The following SH3GL3 variants were observed in gnomAD, a reference collection of about 807,000 sequenced individuals.
The protein encoded by SH3GL3 is endophilin-A3.
SH3GL3 carries 33 observed loss-of-function variants against 47.7 expected under a neutral mutation model. The ratio of observed to expected loss-of-function variants is 0.69; its 90% confidence interval spans 0.52 to 0.92. SH3GL3 has a LOEUF of 0.92. SH3GL3 is among the 40% of genes least tolerant of loss of function. The pLI is 0.00. For missense variants in SH3GL3, 363 were observed against 417.8 expected, an observed-to-expected ratio of 0.87 and a Z score of 1.14; for synonymous variants, 155 against 148.8, an observed-to-expected ratio of 1.04 and a Z score of -0.30.
intron 1 of SH3GL3, among the ~76,000 whole-genome samples, chr15:83,554,009 TTCTC>T (rs981555639): frequency 7.3e-5 from 11 of 151,456 alleles, no homozygotes; most frequent in Non-Finnish European, 1.2e-4. Context: ...TTTATTTTCT[TTCTC>T]TCGCTCTTTT....
At chr15:83,471,027 G>A (rs1311382120) in intron 1 of SH3GL3, among the ~76,000 whole-genome samples, 1 of 152,174 alleles carries the variant, frequency 6.6e-6, no homozygotes, top group Non-Finnish European at 1.5e-5. Context: ...ATCAAATATA[G>A]TTTAGAATAC....
intron 1 of SH3GL3, among the ~76,000 whole-genome samples, chr15:83,484,008 C>G (rs191245735): frequency 6.6e-6 from 1 of 152,172 alleles, no homozygotes; most frequent in African/African-American, 2.4e-5. Context: ...GAATCAAGAG[C>G]CTATTGTCAT....
chr15:83,583,709 T>C (rs1178588177), intron 6 of SH3GL3, among the ~76,000 whole-genome samples: 1 of 152,072 alleles, frequency 6.6e-6, no homozygotes, highest in Non-Finnish European at 1.5e-5. Flanking sequence ...CACACGTGTG[T>C]CACTTGTGGA....
intron 4 of SH3GL3, among the ~76,000 whole-genome samples, chr15:83,572,101 G>A (rs2045847687): frequency 6.6e-6 from 1 of 152,224 alleles, no homozygotes; most frequent in African/African-American, 2.4e-5. Context: ...ACGGGGAGTA[G>A]CCTTGAGAAG....
chr15:83,465,958 T>A lies in SH3GL3; in HGVS notation c.45+18380T>A, dbSNP rs568706203. 6.9e-4 allele frequency among the ~76,000 whole-genome samples: 105 copies of A among 152,280 alleles called. 1 individual carries two copies. Among genetic ancestry groups the A allele is most frequent in the African/African-American group, 2.5e-3 (102 of 41,560 alleles). ...ATCACAACTAGGATGTTTATGTTGATACAGTCAGGATATAGAACAGGTCCA... is the reference window on the plus strand; with the variant it reads ...ATCACAACTAGGATGTTTATGTTGAAACAGTCAGGATATAGAACAGGTCCA... On this transcript the variant is annotated intron_variant, in intron 1 of 8. Transcript: ENST00000427482.
intron 1 of SH3GL3, among the ~76,000 whole-genome samples, chr15:83,507,844 A>G (rs912550180): frequency 2.0e-5 from 3 of 152,228 alleles, no homozygotes; most frequent in African/African-American, 7.2e-5. Context: ...CAAAATGAGT[A>G]TATTATACGG....
At position 83,587,012 on chromosome 15, in the gene SH3GL3, C is replaced by T. The variant is rs1189053125; in HGVS notation, c.654C>T (p.Phe218=). The change falls in exon 7 of 9, where the codon TTC becomes TTT. Residue 218 remains phenylalanine (F), a synonymous_variant. Coordinates refer to ENST00000427482, the MANE Select transcript of SH3GL3 (RefSeq NM_003027.5). ...DVEQVSQLAV[F]IEAALDYHRQ... is the part of the protein sequence containing the mutation. Reference sequence around the variant, plus strand: ...AACAAGTCAGCCAGTTGGCTGTGTTCATAGAGGCAGCATTAGACTATCACA... The same window carrying T: ...AACAAGTCAGCCAGTTGGCTGTGTTTATAGAGGCAGCATTAGACTATCACA... 5.6e-6 allele frequency: 9 copies of T among 1,609,500 alleles called. No individual in the cohort carries two copies. Among genetic ancestry groups the T allele is most frequent in the Non-Finnish European group, 6.8e-6 (8 of 1,177,970 alleles).
chr15:83,564,895 A>G (rs560659921), intron 2 of SH3GL3, among the ~76,000 whole-genome samples: 91 of 152,306 alleles, frequency 6.0e-4, no homozygotes, highest in Non-Finnish European at 1.1e-3. Context: ...CTTAATATTC[A>G]TTTTAATGTT....
chr15:83,524,373 C>T (rs1163581250), intron 1 of SH3GL3, among the ~76,000 whole-genome samples: 1 of 152,140 alleles, frequency 6.6e-6, no homozygotes, highest in Non-Finnish European at 1.5e-5. Flanking sequence ...TGTTCAACTG[C>T]TTAAAATTAT....
chr15:83,460,471 G>A (rs544552431), intron 1 of SH3GL3, among the ~76,000 whole-genome samples: 4 of 151,988 alleles, frequency 2.6e-5, no homozygotes, highest in African/African-American at 4.8e-5. Flanking sequence ...CATCAGGTTC[G>A]ACTTACAGTT....
chr15:83,538,215 C>T (rs1403770546), intron 1 of SH3GL3, among the ~76,000 whole-genome samples: 1 of 152,154 alleles, frequency 6.6e-6, no homozygotes, highest in Non-Finnish European at 1.5e-5. Flanking sequence ...CAGACATGAA[C>T]ATTATTTCTA....
At chr15:83,567,325 C>G (rs1200365254) in intron 3 of SH3GL3, among the ~76,000 whole-genome samples, 2 of 152,202 alleles carry the variant, frequency 1.3e-5, no homozygotes, top group East Asian at 3.9e-4. Context: ...TTGCCCTGCA[C>G]CACACTGGAC....
chr15:83,519,439 A>G (rs1163740015), intron 1 of SH3GL3, among the ~76,000 whole-genome samples: 1 of 152,124 alleles, frequency 6.6e-6, no homozygotes, highest in Non-Finnish European at 1.5e-5. Context: ...TGTAAACAGG[A>G]TTGCATTCTT....
intron 1 of SH3GL3, among the ~76,000 whole-genome samples, chr15:83,543,951 CA>C (rs35491078): frequency 1.3e-5 from 2 of 151,670 alleles, no homozygotes; most frequent in Non-Finnish European, 2.9e-5. Context: ...TTCGTCTTTT[CA>C]AAAAAACCAA....
In SH3GL3 at chr15:83,572,642, C is replaced by A. The variant is rs2059571949; in HGVS notation, c.409C>A (p.Gln137Lys). ...AGACTCTCTTGATATTAATGTAAAG[C>A]AAACTTTTATTGATCCACTTCAGTT... ...VKDSLDINVK[Q>K]TFIDPLQLLQ... Residue 137 changes from glutamine (Q) to lysine (K), a missense_variant, in exon 5 of 9, where the codon CAA (glutamine) becomes AAA (lysine). Transcript: ENST00000427482. 1 of 1,611,126 alleles carries A rather than the reference C, an allele frequency of 6.2e-7. No individual in the cohort carries two copies. The highest frequency in any genetic ancestry group is 8.5e-7 in the Non-Finnish European group (1 of 1,177,320).
At chr15:83,621,404 T>C (rs1053359461), downstream of SH3GL3, among the ~76,000 whole-genome samples, 7 of 152,094 alleles carry the variant, frequency 4.6e-5, no homozygotes, top group Admixed American at 6.6e-5. Flanking sequence ...AATATTGTTG[T>C]ATCTCAGGAA....
At chr15:83,491,288 A>G (rs1481200758) in intron 1 of SH3GL3, among the ~76,000 whole-genome samples, 4 of 152,230 alleles carry the variant, frequency 2.6e-5, no homozygotes, top group African/African-American at 4.8e-5. Flanking sequence ...CCAAAATGCA[A>G]TGAAGCTCTT....
intron 6 of SH3GL3, among the ~76,000 whole-genome samples, chr15:83,583,311 G>C (rs2059879818): frequency 6.6e-6 from 1 of 152,132 alleles, no homozygotes; most frequent in Non-Finnish European, 1.5e-5. Flanking sequence ...AAGTCCCCTG[G>C]TAAGGGATTG....
chr15:83,573,621 A>T (rs1046576396), intron 5 of SH3GL3, among the ~76,000 whole-genome samples: 1 of 152,186 alleles, frequency 6.6e-6, no homozygotes, highest in South Asian at 2.1e-4. Flanking sequence ...GGTCTAGCCT[A>T]TGTGACAGAG....
Sources: gnomAD v4.1 joint callset for allele counts (sites outside exome capture counted in the v4.1 genomes callset) on GRCh38, gnomAD v4.1.1 for gene constraint, MANE v1.5 for transcripts, NCBI Gene and HGNC (gene_info 2026-07-23, HGNC 2026-07-21) for gene names.